DCLK1: variants seen among roughly 807,000 people sequenced by gnomAD.
DCLK1 encodes the protein serine/threonine-protein kinase DCLK1.
In DCLK1, 16 loss-of-function variants were observed where a neutral mutation model predicts 86.2. The ratio of observed to expected loss-of-function variants is 0.19; its 90% CI spans 0.13 to 0.28. The LOEUF (loss-of-function observed/expected upper bound fraction) is 0.28. DCLK1 is among the 10% of genes least tolerant of loss of function. DCLK1 has a pLI of 1.00. For synonymous variants in DCLK1, 369 were observed against 370.5 expected, an observed-to-expected ratio of 1.00 and a Z score of 0.05; for missense variants, 590 against 940.2, an observed-to-expected ratio of 0.63 and a Z score of 4.87.
intron 3 of DCLK1, among the ~76,000 whole-genome samples, chr13:35,951,366 G>A (rs1426376050): frequency 7.3e-5 from 11 of 151,156 alleles, no homozygotes; most frequent in Non-Finnish European, 1.2e-4. Context: ...CCTGAAAAAT[G>A]TTTCAATTTA....
intron 4 of DCLK1, among the ~76,000 whole-genome samples, chr13:35,921,182 G>A (rs769801489): frequency 8.5e-5 from 13 of 152,106 alleles, no homozygotes; most frequent in African/African-American, 2.2e-4. Context: ...TCCCAAATCC[G>A]TAAAATGGCT....
intron 4 of DCLK1, among the ~76,000 whole-genome samples, chr13:35,912,262 G>A (rs900878217): frequency 1.3e-5 from 2 of 152,082 alleles, no homozygotes; most frequent in African/African-American, 4.8e-5. Context: ...GTAGGTCCGT[G>A]GCAAAATCCC....
chr13:36,072,386 A>C (rs1163813633), intron 3 of DCLK1, among the ~76,000 whole-genome samples: 1 of 152,174 alleles, frequency 6.6e-6, no homozygotes, highest in Non-Finnish European at 1.5e-5. Context: ...TTTTGGAGCA[A>C]CCTAAGGTCA....
chr13:35,977,150 G>A (rs1879392619), intron 3 of DCLK1, among the ~76,000 whole-genome samples: 1 of 152,166 alleles, frequency 6.6e-6, no homozygotes, highest in Non-Finnish European at 1.5e-5. Context: ...GAGAGAGAAA[G>A]ATAAATTCAA....
intron 4 of DCLK1, among the ~76,000 whole-genome samples, chr13:35,931,954 T>C (rs1451544141): frequency 1.3e-5 from 2 of 152,212 alleles, no homozygotes; most frequent in Non-Finnish European, 2.9e-5. Context: ...ATTCCAACTC[T>C]GTTACCCACT....
chr13:36,031,792 T>C (rs1882286435), intron 3 of DCLK1, among the ~76,000 whole-genome samples: 1 of 152,228 alleles, frequency 6.6e-6, no homozygotes, highest in South Asian at 2.1e-4. Flanking sequence ...GTGGCTGTCA[T>C]GTCAGCGCAG....
At chr13:35,993,860 A>G (rs1399858204) in intron 3 of DCLK1, among the ~76,000 whole-genome samples, 1 of 151,266 alleles carries the variant, frequency 6.6e-6, no homozygotes, top group Non-Finnish European at 1.5e-5. Flanking sequence ...AAAAGCTAGG[A>G]TAAGTATCAG....
rs569575957 is a variant in DCLK1, at chr13:35,943,382, GT to G, written c.823+3975del. Reference sequence around the variant, plus strand: ...CAGAACTGTGAGCCAACACATTTCTGTTGTTTTAAGTCACCCAGTTTGTGGT... The same window carrying G: ...CAGAACTGTGAGCCAACACATTTCTGTGTTTTAAGTCACCCAGTTTGTGGT... On this transcript the variant is annotated intron_variant, in intron 4 of 16. Transcript: ENST00000360631. Among the ~76,000 whole-genome samples the G allele has an allele frequency of 2.3e-3, 346 of 152,264 alleles. 3 individuals carry two copies. The highest frequency in any genetic ancestry group is 8.0e-3 in the African/African-American group (332 of 41,550).
At chr13:35,936,779 C>G (rs1876775506) in intron 4 of DCLK1, among the ~76,000 whole-genome samples, 2 of 152,012 alleles carry the variant, frequency 1.3e-5, no homozygotes, top group South Asian at 4.1e-4. Context: ...TGGCGTGGAA[C>G]TAATTTAAAT....
intron 3 of DCLK1, among the ~76,000 whole-genome samples, chr13:36,105,124 C>CAG (rs1885343608): frequency 6.6e-6 from 1 of 152,170 alleles, no homozygotes; most frequent in Non-Finnish European, 1.5e-5. Flanking sequence ...AGAGGTCACA[C>CAG]TACTAATGAG....
intron 3 of DCLK1, among the ~76,000 whole-genome samples, chr13:36,101,829 C>T (rs576371542): frequency 4.6e-5 from 7 of 152,224 alleles, no homozygotes; most frequent in African/African-American, 1.2e-4. Flanking sequence ...CTGCAACCTC[C>T]GCCTTCAAGT....
At chr13:35,979,765 G>A (rs1879542288) in intron 3 of DCLK1, among the ~76,000 whole-genome samples, 1 of 152,144 alleles carries the variant, frequency 6.6e-6, no homozygotes, top group African/African-American at 2.4e-5. Context: ...TGCAATAAGG[G>A]CTGAAAATGA....
intron 4 of DCLK1, among the ~76,000 whole-genome samples, chr13:35,878,315 A>T (rs559938069): frequency 6.6e-6 from 1 of 152,296 alleles, no homozygotes; most frequent in Admixed American, 6.5e-5. Flanking sequence ...ATGGGCCTGC[A>T]TCTAGTAAGA....
At chr13:35,791,491 T>C (rs2086707342) in intron 16 of DCLK1, among the ~76,000 whole-genome samples, 1 of 152,200 alleles carries the variant, frequency 6.6e-6, no homozygotes, top group African/African-American at 2.4e-5. Flanking sequence ...AGTGGATCTT[T>C]GATCTTCAAA....
intron 3 of DCLK1, among the ~76,000 whole-genome samples, chr13:36,007,942 C>T (rs773076344): frequency 1.3e-5 from 2 of 151,824 alleles, no homozygotes; most frequent in African/African-American, 4.8e-5. Context: ...GTATACAAAC[C>T]GTGAATCATC....
intron 3 of DCLK1, among the ~76,000 whole-genome samples, chr13:36,052,971 T>C (rs1883180038): frequency 6.6e-6 from 1 of 152,124 alleles, no homozygotes; most frequent in African/African-American, 2.4e-5. Context: ...GTGCTTACAA[T>C]CTCTGAGGCA....
Position 36,046,793 on chromosome 13 carries a change from T to A in DCLK1, c.723+65076A>T, listed in dbSNP as rs546118887. On this transcript the variant is annotated intron_variant, in intron 3 of 16. Coordinates refer to ENST00000360631, the MANE Select transcript of DCLK1 (RefSeq NM_001330071.2). ...TGAGACCAGAACAACAGAATGAAAT[T>A]GAAATTTGAAACTCCAAAGCCATAG... Among the ~76,000 whole-genome samples the A allele has an allele frequency of 1.2e-4, 18 of 152,252 alleles. No individual in the cohort carries two copies. In the South Asian group the frequency reaches 3.3e-3, roughly 28 times the overall value.
intron 6 of DCLK1, chr13:35,847,012 C>T (rs1166229718): frequency 1.0e-6 from 1 of 985,064 alleles, no homozygotes; most frequent in Non-Finnish European, 1.2e-6. Context: ...TGACAATCTG[C>T]AACTGTATCA....
intron 3 of DCLK1, among the ~76,000 whole-genome samples, chr13:35,996,809 T>C (rs1006277084): frequency 6.6e-6 from 1 of 152,244 alleles, no homozygotes; most frequent in Admixed American, 6.5e-5. Flanking sequence ...TCATCTTTTA[T>C]ACATGCTTTG....
Sources: gnomAD v4.1 joint callset for allele counts (sites outside exome capture counted in the v4.1 genomes callset) on GRCh38, gnomAD v4.1.1 for gene constraint, MANE v1.5 for transcripts, NCBI Gene and HGNC (gene_info 2026-07-23, HGNC 2026-07-21) for gene names.